The following DOCK1 variants were observed in gnomAD, a reference collection of about 807,000 sequenced individuals.
The protein encoded by DOCK1 is dedicator of cytokinesis 1, also known as dedicator of cytokinesis protein 1.
DOCK1 carries 138 observed loss-of-function variants against 262.7 expected under a neutral mutation model. The ratio of observed to expected loss-of-function variants is 0.53; its 90% CI spans 0.46 to 0.61. DOCK1 has a LOEUF of 0.61. Ranked by LOEUF, DOCK1 falls within the 20% of genes least tolerant of loss-of-function variation. The pLI is 0.00. For synonymous variants in DOCK1, 866 were observed against 867.4 expected (o/e 1.00, Z 0.03); for missense variants, 1,908 against 2,370.7 (o/e 0.80, Z 4.05).
At chr10:127,421,257 T>C (rs947362492) in intron 46 of DOCK1, among the ~76,000 whole-genome samples, 1 of 152,102 alleles carries the variant, frequency 6.6e-6, no homozygotes, top group African/African-American at 2.4e-5. Flanking sequence ...GGGCCTCTTC[T>C]TAGTGGCCTC....
At chr10:127,298,009 T>C (rs1442215807) in intron 29 of DOCK1, among the ~76,000 whole-genome samples, 3 of 152,124 alleles carry the variant, frequency 2.0e-5, no homozygotes, top group Admixed American at 2.0e-4. Flanking sequence ...CCAAACATAA[T>C]ATTGGAAAAG....
chr10:126,908,451 G>A (rs1043507666), intron 1 of DOCK1, among the ~76,000 whole-genome samples: 2 of 152,140 alleles, frequency 1.3e-5, no homozygotes, highest in Admixed American at 6.5e-5. Flanking sequence ...GCCCATGAAC[G>A]AATCACGAGG....
Position 126,928,552 on chromosome 10 carries a change from C to T in DOCK1, c.46+22989C>T, listed in dbSNP as rs939165212. ...TGGTGTCCATGTGTCTCAGGCCCTG[C>T]CCCCAAGGGCCTCAGTGGAGCCTGC... is the stretch of plus-strand genomic sequence containing the variant. On this transcript the variant is annotated intron_variant, in intron 1 of 51. Coordinates refer to ENST00000623213, the MANE Select transcript of DOCK1 (RefSeq NM_001290223.2). 7.7e-3 allele frequency among the ~76,000 whole-genome samples: 1,170 copies of T among 151,742 alleles called. 63 individuals are homozygous for T. The East Asian group carries it at 0.14, about 18-fold the overall frequency.
intron 23 of DOCK1, among the ~76,000 whole-genome samples, chr10:127,072,066 C>T (rs375174508): frequency 2.0e-5 from 3 of 152,118 alleles, no homozygotes; most frequent in East Asian, 1.9e-4. Context: ...GTTAGGTGCT[C>T]CTCCCACATC....
intron 25 of DOCK1, among the ~76,000 whole-genome samples, chr10:127,119,768 G>A (rs914081988): frequency 1.7e-4 from 26 of 152,130 alleles, no homozygotes; most frequent in Non-Finnish European, 3.4e-4. Context: ...ACATTACTCT[G>A]TTCATAAAAA....
rs118083523 is a variant in DOCK1 at position 127,438,644 on chromosome 10, C to T, written c.5061-383C>T. Among the ~76,000 whole-genome samples the T allele has an allele frequency of 2.8e-3, 427 of 152,274 alleles. 1 individual carries two copies. The highest frequency in any genetic ancestry group is 0.01 in the Middle Eastern group (3 of 294). ...GGTAGCAGACATTTCTTTGCATTGA[C>T]GTCTATTTTTCCCCATTAAAAAATA... On this transcript the variant is annotated intron_variant, in intron 48 of 51. Coordinates refer to ENST00000623213, the MANE Select transcript of DOCK1 (RefSeq NM_001290223.2).
intron 29 of DOCK1, among the ~76,000 whole-genome samples, chr10:127,318,689 G>A (rs965660085): frequency 2.0e-5 from 3 of 152,178 alleles, no homozygotes; most frequent in South Asian, 2.1e-4. Context: ...GGACTTTTGC[G>A]CCAGGACTAT....
chr10:127,269,062 A>G (rs2060473336), intron 29 of DOCK1, among the ~76,000 whole-genome samples: 2 of 152,132 alleles, frequency 1.3e-5, no homozygotes, highest in Non-Finnish European at 2.9e-5. Context: ...TGTCAGGTCA[A>G]ATCCGTGCTC....
chr10:126,955,279 T>A (rs1437763874), intron 1 of DOCK1, among the ~76,000 whole-genome samples: 1 of 152,152 alleles, frequency 6.6e-6, no homozygotes, highest in Non-Finnish European at 1.5e-5. Flanking sequence ...GCATGCACCA[T>A]CATGTTCGGC....
chr10:127,092,481 A>G (rs758061760), intron 23 of DOCK1, among the ~76,000 whole-genome samples: 1 of 152,176 alleles, frequency 6.6e-6, no homozygotes, highest in African/African-American at 2.4e-5. Context: ...GAGGACAGAC[A>G]CTGGGAGGAA....
At chr10:127,361,236 C>G (rs561325390) in intron 32 of DOCK1, among the ~76,000 whole-genome samples, 6 of 151,330 alleles carry the variant, frequency 4.0e-5, no homozygotes, top group Non-Finnish European at 7.4e-5. Context: ...GCCTCAGCCT[C>G]CCAGGTAGCT....
intron 29 of DOCK1, among the ~76,000 whole-genome samples, chr10:127,334,954 C>T (rs895593424): frequency 1.3e-5 from 2 of 152,114 alleles, no homozygotes; most frequent in African/African-American, 2.4e-5. Flanking sequence ...AAAACCTACA[C>T]GGTTTTCTGC....
At chr10:127,259,918 C>T (rs989488127) in intron 29 of DOCK1, among the ~76,000 whole-genome samples, 2 of 152,076 alleles carry the variant, frequency 1.3e-5, no homozygotes, top group Admixed American at 1.3e-4. Context: ...GTTGCTGCAG[C>T]ACTGGCCGTG....
At chr10:127,016,733 CCACACA>C (rs771716580) in intron 12 of DOCK1, among the ~76,000 whole-genome samples, 35 of 57,046 alleles carry the variant, frequency 6.1e-4, no homozygotes, top group African/African-American at 2.8e-3. Flanking sequence ...CACACACACA[CCACACA>C]CACACACACT....
intron 1 of DOCK1, among the ~76,000 whole-genome samples, chr10:126,928,337 C>G (rs2033925141): frequency 6.6e-6 from 1 of 152,224 alleles, no homozygotes; most frequent in Non-Finnish European, 1.5e-5. Flanking sequence ...CGTCCCAGGC[C>G]CTGCCCCCAG....
At chr10:127,245,251 T>C (rs1228901383) in intron 27 of DOCK1, among the ~76,000 whole-genome samples, 1 of 152,230 alleles carries the variant, frequency 6.6e-6, no homozygotes, top group Non-Finnish European at 1.5e-5. Context: ...CGTTTCCTAA[T>C]GGAGTTCATG....
chr10:127,363,602 A>G (rs1298343452), intron 33 of DOCK1, among the ~76,000 whole-genome samples: 1 of 152,248 alleles, frequency 6.6e-6, no homozygotes, highest in Non-Finnish European at 1.5e-5. Flanking sequence ...AACTTCATCA[A>G]TCAAGATAGC....
chr10:127,110,479 C>G (rs2048799157), intron 25 of DOCK1, 125 bp downstream of exon 25: 2 of 797,612 alleles, frequency 2.5e-6, no homozygotes, highest in Non-Finnish European at 4.2e-6. Flanking sequence ...TGCTGTATTA[C>G]AAGACAGGAA....
chr10:127,301,191 C>T (rs1590342430), intron 29 of DOCK1, among the ~76,000 whole-genome samples: 1 of 152,268 alleles, frequency 6.6e-6, no homozygotes, highest in South Asian at 2.1e-4. Context: ...AGTTTCAGTG[C>T]CGCTTGAATA....
Sources: allele counts gnomAD v4.1 joint callset (sites outside exome capture counted in the v4.1 genomes callset), GRCh38; gene constraint gnomAD v4.1.1; transcripts MANE v1.5; gene names NCBI Gene and HGNC (gene_info 2026-07-23, HGNC 2026-07-21).